ALPK2: variants seen among roughly 807,000 people sequenced by gnomAD.
ALPK2 encodes the protein alpha-protein kinase 2.
Under a neutral mutation model 163.1 loss-of-function variants are expected in ALPK2, and 127 were observed. That is an observed-to-expected ratio of 0.78 (90% CI 0.67 to 0.90). The LOEUF is 0.90. Ranked by LOEUF, ALPK2 falls within the 40% of genes least tolerant of loss-of-function variation. ALPK2 has a pLI of 0.00. For synonymous variants in ALPK2, 953 were observed against 959.1 expected (o/e 0.99, Z 0.12); for missense variants, 2,360 against 2,589.6 (o/e 0.91, Z 1.92).
At chr18:58,502,182 A>AAG (rs1568067753) in intron 11 of ALPK2, among the ~76,000 whole-genome samples, 1,825 of 144,722 alleles carry the variant, frequency 0.013, 38 homozygotes, top group African/African-American at 0.045. Flanking sequence ...ACACACACAA[A>AAG]GAAAAAAAAA....
At chr18:58,482,487 CA>C (rs1351157435) in intron 12 of ALPK2, among the ~76,000 whole-genome samples, 1 of 151,964 alleles carries the variant, frequency 6.6e-6, no homozygotes, top group Non-Finnish European at 1.5e-5. Flanking sequence ...CTTCAATTTA[CA>C]GTTGAAGAAA....
chr18:58,627,454 C>T (rs2052237885), intron 1 of ALPK2, among the ~76,000 whole-genome samples: 2 of 142,800 alleles, frequency 1.4e-5, no homozygotes, highest in Non-Finnish European at 3.1e-5. Flanking sequence ...AACCCCATCT[C>T]AACTAAAAAT....
rs200843420 is a variant in ALPK2 at position 58,591,327 on chromosome 18, C to CA, written c.228-10780dup. ...TGTGACACGTCTTAAGTTATACGGC[C>CA]AAAAAAATGGTAGGAAATGTCTACC... On this transcript the variant is annotated intron_variant, in intron 3 of 12. Coordinates refer to ENST00000361673, the MANE Select transcript of ALPK2 (RefSeq NM_052947.4). 2.4e-3 allele frequency among the ~76,000 whole-genome samples: 365 copies of CA among 152,012 alleles called. 7 individuals are homozygous for CA. In the East Asian group the frequency reaches 0.025, roughly 10 times the overall value.
intron 5 of ALPK2, among the ~76,000 whole-genome samples, chr18:58,532,588 C>G (rs542616946): frequency 1.3e-5 from 2 of 152,338 alleles, no homozygotes; most frequent in East Asian, 3.9e-4. Context: ...AGGTTGGTAT[C>G]AACTCAGACA....
chr18:58,569,008 G>T (rs972775681), intron 4 of ALPK2, among the ~76,000 whole-genome samples: 4 of 152,154 alleles, frequency 2.6e-5, no homozygotes, highest in Non-Finnish European at 5.9e-5. Flanking sequence ...GGGGCCAGGA[G>T]TTCGAGACCA....
At chr18:58,526,348 C>T (rs8094797) in intron 6 of ALPK2, among the ~76,000 whole-genome samples, 2,946 of 152,276 alleles carry the variant, frequency 0.019, 85 homozygotes, top group African/African-American at 0.066. Flanking sequence ...CAGGGCTTGG[C>T]AGCACCCCCA....
intron 4 of ALPK2, among the ~76,000 whole-genome samples, chr18:58,568,834 T>C (rs2051870413): frequency 6.6e-6 from 1 of 152,226 alleles, no homozygotes; most frequent in Non-Finnish European, 1.5e-5. Flanking sequence ...TGCCATTTTA[T>C]ATCAGAGACA....
intron 1 of ALPK2, among the ~76,000 whole-genome samples, chr18:58,621,400 G>A (rs1056681966): frequency 6.6e-6 from 1 of 151,412 alleles, no homozygotes; most frequent in African/African-American, 2.4e-5. Context: ...TCAGCCTCCC[G>A]AGCTCGAACT....
At chr18:58,551,721 T>C (rs1384841351) in intron 4 of ALPK2, among the ~76,000 whole-genome samples, 1 of 152,190 alleles carries the variant, frequency 6.6e-6, no homozygotes, top group African/African-American at 2.4e-5. Flanking sequence ...GGCAGGACAA[T>C]GATAGGGAGG....
chr18:58,626,976 C>T (rs2052234085), intron 1 of ALPK2, among the ~76,000 whole-genome samples: 1 of 151,794 alleles, frequency 6.6e-6, no homozygotes, highest in South Asian at 2.1e-4. Context: ...TATATTTATT[C>T]ATCTAATCCC....
chr18:58,570,142 AAAAAG>A (rs2051878540), intron 4 of ALPK2, among the ~76,000 whole-genome samples: 1 of 150,784 alleles, frequency 6.6e-6, no homozygotes, highest in Non-Finnish European at 1.5e-5. Context: ...AAAAAAAAAA[AAAAAG>A]AAAAGAAAAA....
At position 58,544,530 on chromosome 18, in the gene ALPK2, A is replaced by G. The variant is rs529673788; in HGVS notation, c.1963-6306T>C. 5 of 152,346 alleles carry G rather than the reference A, an allele frequency of 3.3e-5. No individual in the cohort carries two copies. The South Asian group carries it at 8.3e-4, about 25-fold the overall frequency. The allele number at this position is 152,346 out of a possible 1,614,324, so 9.4% of individuals were successfully genotyped here. Reference sequence around the variant, plus strand: ...ATCCAGTTGAAGAGACAAGATGTACATGGAAAACAAGATGTACATAGATAA... The same window carrying G: ...ATCCAGTTGAAGAGACAAGATGTACGTGGAAAACAAGATGTACATAGATAA... On this transcript the variant is annotated intron_variant, in intron 4 of 12. Transcript: ENST00000361673.
intron 4 of ALPK2, among the ~76,000 whole-genome samples, chr18:58,562,575 G>T (rs1036819608): frequency 6.6e-6 from 1 of 152,204 alleles, no homozygotes; most frequent in Non-Finnish European, 1.5e-5. Context: ...TGACTACAGG[G>T]ATGCCCTTTA....
intron 12 of ALPK2, 103 bp from the exon 13 acceptor site, chr18:58,482,142 A>G (rs2051314990): frequency 1.2e-6 from 1 of 809,756 alleles, no homozygotes; most frequent in Non-Finnish European, 2.0e-6. Flanking sequence ...CATGGAACAT[A>G]TATGAATTTC....
chr18:58,603,163 G>A (rs968965895), intron 3 of ALPK2, among the ~76,000 whole-genome samples: 2 of 152,204 alleles, frequency 1.3e-5, no homozygotes, highest in Non-Finnish European at 2.9e-5. Context: ...TCTTTCTTGT[G>A]TGAGGTTCAA....
intron 12 of ALPK2, among the ~76,000 whole-genome samples, chr18:58,485,593 A>G (rs1263536955): frequency 1.3e-5 from 2 of 152,246 alleles, no homozygotes; most frequent in Non-Finnish European, 2.9e-5. Context: ...CAAAGAAAGG[A>G]GTTGAATCTG....
At chr18:58,577,979 C>T (rs2051930864) in intron 4 of ALPK2, 1 of 152,114 alleles carries the variant, frequency 6.6e-6, no homozygotes, top group South Asian at 2.1e-4. Context: ...AAACTCAAAT[C>T]TTGCCCATAT....
intron 1 of ALPK2, among the ~76,000 whole-genome samples, chr18:58,615,494 C>T (rs2052161828): frequency 6.6e-6 from 1 of 152,202 alleles, no homozygotes; most frequent in South Asian, 2.1e-4. Flanking sequence ...TGATAATAGT[C>T]TAAGGATTAG....
chr18:58,559,049 T>C (rs2051809797), intron 4 of ALPK2, among the ~76,000 whole-genome samples: 2 of 152,370 alleles, frequency 1.3e-5, no homozygotes, highest in Non-Finnish European at 2.9e-5. Flanking sequence ...AAAAATTACA[T>C]ACTTGGCTTG....
Sources: allele counts gnomAD v4.1 joint callset (sites outside exome capture counted in the v4.1 genomes callset), GRCh38; gene constraint gnomAD v4.1.1; transcripts MANE v1.5; gene names NCBI Gene and HGNC (gene_info 2026-07-23, HGNC 2026-07-21).